Variants in FUT8 observed in about 807,000 individuals in gnomAD.
The protein encoded by FUT8 is fucosyltransferase 8.
A neutral mutation model predicts 71.3 loss-of-function variants in FUT8; 29 were observed. The observed-to-expected ratio is 0.41, with a 90% CI of 0.30 to 0.55. FUT8 has a LOEUF of 0.55. Ranked by LOEUF, FUT8 falls within the 20% of genes least tolerant of loss-of-function variation. The pLI is 0.34. For synonymous variants in FUT8, 254 were observed against 239.3 expected (o/e 1.06, Z -0.57); for missense variants, 544 against 702.1 (o/e 0.77, Z 2.55).
Position 65,501,777 on chromosome 14 carries a change from T to C in FUT8, c.-228+46059T>C, listed in dbSNP as rs117087051. Among the ~76,000 whole-genome samples the C allele has an allele frequency of 6.2e-3, 944 of 152,290 alleles. 11 individuals are homozygous for C. The highest frequency in any genetic ancestry group is 0.036 in the East Asian group (185 of 5,188). On this transcript the variant is annotated intron_variant, in intron 2 of 10. Coordinates refer to ENST00000673929, the MANE Select transcript of FUT8 (RefSeq NM_001371533.1). ...TCTCTTGGTCTCTTTTCCTAGCTAC[T>C]TGGACCCCAGACCCAGATATTCTTA... is the stretch of plus-strand genomic sequence containing the variant.
At chr14:65,414,511 G>T (rs2065190977) in intron 1 of FUT8, among the ~76,000 whole-genome samples, 1 of 152,146 alleles carries the variant, frequency 6.6e-6, no homozygotes, top group Non-Finnish European at 1.5e-5. Flanking sequence ...AAATAATAAG[G>T]CCCTGTACCT....
chr14:65,669,670 T>G lies in FUT8; in HGVS notation c.835+190T>G, dbSNP rs1324417822. 6.6e-6 allele frequency among the ~76,000 whole-genome samples: 1 copy of G among 152,242 alleles called. No homozygotes were observed. Among genetic ancestry groups the G allele is most frequent in the African/African-American group, 2.4e-5 (1 of 41,456 alleles). On this transcript the variant is annotated intron_variant, in intron 7 of 10. Coordinates refer to ENST00000673929, the MANE Select transcript of FUT8 (RefSeq NM_001371533.1). The surrounding 1 kb of genome is among the most constrained non-coding windows in gnomAD (Gnocchi z 4.5). ...AAAGTATTTTATTATGTATTTCATTTCTGATGCTCATTTTTATGTGAATTT... is the reference window on the plus strand; with the variant it reads ...AAAGTATTTTATTATGTATTTCATTGCTGATGCTCATTTTTATGTGAATTT...
chr14:65,617,050 C>T, intron 5 of FUT8: 1 of 1,573,040 alleles, frequency 6.4e-7, no homozygotes, highest in Non-Finnish European at 8.6e-7. Context: ...TGAAACCTGT[C>T]TTTAGGCCTG....
At chr14:65,724,400 G>A (rs1895577303) in intron 9 of FUT8, 77 bp downstream of exon 9, 1 of 855,500 alleles carries the variant, frequency 1.2e-6, no homozygotes, top group South Asian at 2.0e-5. Context: ...CCCATGACTT[G>A]TGATTTTTGT....
chr14:65,590,515 G>T (rs1887632342), intron 3 of FUT8, among the ~76,000 whole-genome samples: 1 of 152,104 alleles, frequency 6.6e-6, no homozygotes, highest in East Asian at 1.9e-4. Context: ...CCAAACTGGG[G>T]GGGAATAATA....
the FUT8 span, among the ~76,000 whole-genome samples, chr14:65,386,726 T>G: frequency 1.3e-5 from 2 of 151,778 alleles, no homozygotes; most frequent in Non-Finnish European, 1.5e-5. Flanking sequence ...TCATTATGGA[T>G]TATATTTTTC....
At chr14:65,495,818 T>C (rs2066550170) in intron 2 of FUT8, among the ~76,000 whole-genome samples, 1 of 152,070 alleles carries the variant, frequency 6.6e-6, no homozygotes, top group Non-Finnish European at 1.5e-5. Context: ...CAAGTAGGGG[T>C]AAGGAGGTAT....
chr14:65,502,952 T>A (rs8011224), intron 2 of FUT8, among the ~76,000 whole-genome samples: 100,416 of 152,066 alleles, frequency 0.66, 33,357 homozygotes, highest in East Asian at 0.77. Context: ...CAGACTTTTT[T>A]AACTCCCTTC....
chr14:65,622,269 C>T (rs1295252818), intron 5 of FUT8, among the ~76,000 whole-genome samples: 3 of 150,260 alleles, frequency 2.0e-5, no homozygotes, highest in African/African-American at 7.4e-5. Context: ...TTCTCTTCTA[C>T]GTACGGGGAT....
intron 3 of FUT8, among the ~76,000 whole-genome samples, chr14:65,566,410 C>T (rs925963806): frequency 6.6e-6 from 1 of 151,932 alleles, no homozygotes; most frequent in Admixed American, 6.6e-5. Flanking sequence ...TTTAACCTAC[C>T]GTTCTCACCA....
chr14:65,406,061 G>A (rs1313617733), upstream of FUT8, among the ~76,000 whole-genome samples: 6 of 152,194 alleles, frequency 3.9e-5, no homozygotes, highest in East Asian at 1.9e-4. Flanking sequence ...ATAGGTATAC[G>A]TTAAAATTAT....
intron 7 of FUT8, among the ~76,000 whole-genome samples, chr14:65,713,664 C>G (rs1894914103): frequency 6.6e-6 from 1 of 152,206 alleles, no homozygotes; most frequent in South Asian, 2.1e-4. Flanking sequence ...TACCTGTTTC[C>G]CATTTGTACA....
intron 7 of FUT8, among the ~76,000 whole-genome samples, chr14:65,719,793 C>T (rs529315988): frequency 4.6e-5 from 7 of 152,218 alleles, no homozygotes; most frequent in Non-Finnish European, 1.0e-4. Flanking sequence ...TCTTCCCTTA[C>T]TTTGTCCCAA....
chr14:65,731,792 G>A (rs1341879378), intron 9 of FUT8, among the ~76,000 whole-genome samples: 2 of 152,156 alleles, frequency 1.3e-5, no homozygotes, highest in Non-Finnish European at 2.9e-5. Context: ...ACCGCACCCA[G>A]CCTTAGGTAC....
At chr14:65,364,216 T>C in the FUT8 span, among the ~76,000 whole-genome samples, 2,332 of 152,286 alleles carry the variant, frequency 0.015, 57 homozygotes, top group East Asian at 0.095. Context: ...TTTTTTTGTT[T>C]TGTTTTGAGA....
chr14:65,395,413 T>G, the FUT8 span, among the ~76,000 whole-genome samples: 1 of 152,228 alleles, frequency 6.6e-6, no homozygotes, highest in Non-Finnish European at 1.5e-5. Context: ...AACTTCTGCC[T>G]GGACATCCAC....
intron 9 of FUT8, among the ~76,000 whole-genome samples, chr14:65,727,027 A>G (rs533257064): frequency 1.3e-5 from 2 of 152,358 alleles, no homozygotes; most frequent in African/African-American, 4.8e-5. Flanking sequence ...CAGCCAGGTC[A>G]CAGTGATGCA....
intron 3 of FUT8, among the ~76,000 whole-genome samples, chr14:65,596,772 C>T (rs1888005062): frequency 1.3e-5 from 2 of 151,996 alleles, no homozygotes; most frequent in African/African-American, 4.8e-5. Flanking sequence ...GTTGTTTTCT[C>T]TCATAGGACT....
At chr14:65,429,963 T>C (rs1341200673) in intron 1 of FUT8, among the ~76,000 whole-genome samples, 3 of 151,292 alleles carry the variant, frequency 2.0e-5, no homozygotes, top group East Asian at 1.9e-4. Context: ...GTCAGCGTTA[T>C]GGAAATAAAT....
Sources: gnomAD v4.1 joint callset for allele counts (sites outside exome capture counted in the v4.1 genomes callset) on GRCh38, gnomAD v4.1.1 for gene constraint, Gnocchi (gnomAD v3.1) non-coding constraint, MANE v1.5 for transcripts, NCBI Gene and HGNC (gene_info 2026-07-23, HGNC 2026-07-21) for gene names.